Variants in ADAMTS12 observed in about 807,000 individuals in gnomAD.
ADAMTS12 encodes the protein ADAM metallopeptidase with thrombospondin type 1 motif 12, also known as A disintegrin and metalloproteinase with thrombospondin motifs 12.
Under a neutral mutation model 167.8 loss-of-function variants are expected in ADAMTS12, and 118 were observed. That is an observed-to-expected ratio of 0.70 (90% CI 0.61 to 0.82). The LOEUF is 0.82. ADAMTS12 is among the 40% of genes least tolerant of loss of function. The pLI is 0.00. For missense variants in ADAMTS12, 1,916 were observed against 1,998.8 expected (o/e 0.96, Z 0.79); for synonymous variants, 704 against 716.9 (o/e 0.98, Z 0.29).
At chr5:33,777,964 A>T (rs1298381710) in intron 2 of ADAMTS12, among the ~76,000 whole-genome samples, 1 of 152,090 alleles carries the variant, frequency 6.6e-6, no homozygotes, top group African/African-American at 2.4e-5. Flanking sequence ...AATAAATTTA[A>T]TCAGAGGTAA....
At chr5:33,548,132 G>C (rs1479050843) in intron 21 of ADAMTS12, among the ~76,000 whole-genome samples, 2 of 152,178 alleles carry the variant, frequency 1.3e-5, no homozygotes, top group African/African-American at 4.8e-5. Flanking sequence ...GCCTCAGGTT[G>C]GGATTCTCTG....
At chr5:33,868,738 C>T (rs1749921314) in intron 2 of ADAMTS12, among the ~76,000 whole-genome samples, 1 of 152,226 alleles carries the variant, frequency 6.6e-6, no homozygotes, top group African/African-American at 2.4e-5. Flanking sequence ...TGTGGCCCAA[C>T]ACAAATTTCT....
At chr5:33,646,966 C>G (rs1430587152) in intron 9 of ADAMTS12, among the ~76,000 whole-genome samples, 1 of 151,872 alleles carries the variant, frequency 6.6e-6, no homozygotes, top group African/African-American at 2.4e-5. Flanking sequence ...AGTCAATAGA[C>G]AGGTTAAATA....
intron 5 of ADAMTS12, among the ~76,000 whole-genome samples, chr5:33,681,409 T>C (rs760647224): frequency 2.6e-5 from 4 of 152,190 alleles, no homozygotes; most frequent in African/African-American, 9.6e-5. Flanking sequence ...TTAAGCTCTA[T>C]AGATTTCAAG....
chr5:33,659,005 A>G (rs1411736821), intron 6 of ADAMTS12, among the ~76,000 whole-genome samples: 5 of 152,166 alleles, frequency 3.3e-5, no homozygotes, highest in African/African-American at 1.2e-4. Context: ...AAGAGTCACT[A>G]ATTAGTCACT....
At chr5:33,712,448 G>A (rs537267007) in intron 3 of ADAMTS12, among the ~76,000 whole-genome samples, 1 of 152,242 alleles carries the variant, frequency 6.6e-6, no homozygotes, top group Admixed American at 6.5e-5. Flanking sequence ...AGAGCAGCAA[G>A]TTGTGAAAAG....
chr5:33,527,005 AGCC>A lies in ADAMTS12; in HGVS notation c.*180_*182del. The A allele has an allele frequency of 1.4e-6, 1 of 705,538 alleles. No homozygotes were observed. The highest frequency in any genetic ancestry group is 2.3e-6 in the Non-Finnish European group (1 of 436,496). 43.7% of individuals were successfully genotyped at this position (705,538 alleles called of 1,614,324 possible). On this transcript the variant is annotated 3_prime_UTR_variant, in exon 24 of 24. Transcript: ENST00000504830. ...CCTATCAGGGAGCAGCAAGTACGGC[AGCC>A]TAGGCCTCCTGTGAGGGACATTCGG...
At chr5:33,772,812 G>A (rs921816395) in intron 2 of ADAMTS12, among the ~76,000 whole-genome samples, 9 of 152,186 alleles carry the variant, frequency 5.9e-5, no homozygotes, top group African/African-American at 1.7e-4. Flanking sequence ...AGCACACCAC[G>A]TGTGATGTAA....
At position 33,818,770 on chromosome 5, in the gene ADAMTS12, T is replaced by A. The variant is rs537385190; in HGVS notation, c.489+62349A>T. ...TGGTTATCTCTTGTCTTTTTGGTAA[T>A]AGCCAAACTTACCAGTGTGAGGTGA... On this transcript the variant is annotated intron_variant, in intron 2 of 23. Coordinates refer to ENST00000504830, the MANE Select transcript of ADAMTS12 (RefSeq NM_030955.4). Among the ~76,000 whole-genome samples, 4 of 152,300 alleles carry A rather than the reference T, an allele frequency of 2.6e-5. No homozygotes were observed. The South Asian group carries it at 8.3e-4, about 32-fold the overall frequency.
chr5:33,698,480 CA>C (rs1242929769), intron 3 of ADAMTS12, among the ~76,000 whole-genome samples: 2 of 152,140 alleles, frequency 1.3e-5, no homozygotes, highest in East Asian at 3.9e-4. Flanking sequence ...GAAAAAATGT[CA>C]AGGGGGAATG....
intron 3 of ADAMTS12, among the ~76,000 whole-genome samples, chr5:33,691,646 G>A (rs10056476): frequency 0.22 from 34,135 of 152,088 alleles, 4,009 homozygotes; most frequent in East Asian, 0.42. Flanking sequence ...GTGGAAAGAT[G>A]GGTGATGGAC....
intron 2 of ADAMTS12, among the ~76,000 whole-genome samples, chr5:33,781,652 C>T (rs1746132608): frequency 6.6e-6 from 1 of 152,112 alleles, no homozygotes; most frequent in African/African-American, 2.4e-5. Flanking sequence ...TTTATCCTGC[C>T]TGCCCTTGCA....
intron 3 of ADAMTS12, among the ~76,000 whole-genome samples, chr5:33,707,338 G>A (rs1743238188): frequency 6.6e-6 from 1 of 151,682 alleles, no homozygotes; most frequent in African/African-American, 2.4e-5. Context: ...CCATGCTCAT[G>A]GATAGGAAGA....
chr5:33,848,480 A>T (rs1041023278), intron 2 of ADAMTS12, among the ~76,000 whole-genome samples: 3 of 152,160 alleles, frequency 2.0e-5, no homozygotes, highest in Admixed American at 2.0e-4. Context: ...TTTTAAGAAA[A>T]CTGTCTGTAG....
intron 3 of ADAMTS12, among the ~76,000 whole-genome samples, chr5:33,726,131 G>A (rs1209541280): frequency 1.3e-5 from 2 of 152,148 alleles, no homozygotes; most frequent in African/African-American, 4.8e-5. Flanking sequence ...CTTAAGCAAT[G>A]GCCAACAAAG....
At chr5:33,772,149 A>G (rs1745761423) in intron 2 of ADAMTS12, among the ~76,000 whole-genome samples, 1 of 151,914 alleles carries the variant, frequency 6.6e-6, no homozygotes, top group South Asian at 2.1e-4. Flanking sequence ...GAGCCACCAC[A>G]CCCTGCCTTG....
intron 2 of ADAMTS12, among the ~76,000 whole-genome samples, chr5:33,798,434 C>CTTTT (rs3037113): frequency 3.9e-4 from 27 of 69,256 alleles, no homozygotes; most frequent in African/African-American, 5.5e-4. Context: ...TTCTTTGTAT[C>CTTTT]TTTTTTTTTT....
chr5:33,615,834 C>T lies in ADAMTS12; in HGVS notation c.2382G>A (p.Trp794Ter). ...TCCCTCCTTTCTGCATTACCTGGATCCACACAGACTCATTGGTGGGACCTG... is the reference window on the plus strand; with the variant it reads ...TCCCTCCTTTCTGCATTACCTGGATTCACACAGACTCATTGGTGGGACCTG... ...MATGPTNESV[W>*]IQLLFQVTNP... The change falls in exon 15 of 24, where the codon TGG (tryptophan) becomes TGA (stop). Residue 794 changes from tryptophan to a stop codon, truncating the protein, a stop_gained. Transcript: ENST00000504830. LOFTEE classifies it high-confidence loss of function. 1 of 1,614,148 alleles carries T rather than the reference C, an allele frequency of 6.2e-7. No individual in the cohort carries two copies. The highest frequency in any genetic ancestry group is 8.5e-7 in the Non-Finnish European group (1 of 1,180,008).
At chr5:33,663,548 G>T (rs552690684) in intron 5 of ADAMTS12, among the ~76,000 whole-genome samples, 1 of 152,320 alleles carries the variant, frequency 6.6e-6, no homozygotes, top group Admixed American at 6.5e-5. Context: ...CATCTACTCA[G>T]TATTATTTGT....
Sources: gnomAD v4.1 joint callset for allele counts (sites outside exome capture counted in the v4.1 genomes callset) on GRCh38, gnomAD v4.1.1 for gene constraint, MANE v1.5 for transcripts, NCBI Gene and HGNC (gene_info 2026-07-23, HGNC 2026-07-21) for gene names.